Variants in TAS1R1 observed in about 807,000 individuals in gnomAD.
TAS1R1 encodes taste receptor type 1 member 1.
In TAS1R1, 31 loss-of-function variants were observed where a neutral mutation model predicts 45.8. The observed-to-expected ratio is 0.68, with a 90% CI of 0.51 to 0.91. The LOEUF (loss-of-function observed/expected upper bound fraction) is 0.91. Ranked by LOEUF, TAS1R1 falls within the 40% of genes least tolerant of loss-of-function variation. The pLI is 0.00. For synonymous variants in TAS1R1, 437 were observed against 448.4 expected (o/e 0.97, Z 0.32); for missense variants, 1,051 against 1,063.9 (o/e 0.99, Z 0.17).
At chr1:6,571,776 C>A (rs1224853712) in intron 2 of TAS1R1, among the ~76,000 whole-genome samples, 2 of 152,068 alleles carry the variant, frequency 1.3e-5, no homozygotes, top group Non-Finnish European at 2.9e-5. Context: ...GCTGAGATTG[C>A]ACCACTGCAT....
At chr1:6,567,987 T>C (rs1258120099) in intron 1 of TAS1R1, among the ~76,000 whole-genome samples, 1 of 152,142 alleles carries the variant, frequency 6.6e-6, no homozygotes, top group East Asian at 1.9e-4. Context: ...AGTTGGTATT[T>C]AGCGCGATCT....
chr1:6,561,120 G>T (rs538873026), intron 1 of TAS1R1, among the ~76,000 whole-genome samples: 1 of 152,236 alleles, frequency 6.6e-6, no homozygotes, highest in East Asian at 1.9e-4. Flanking sequence ...GTAAAAACTG[G>T]GTAAGGAGAT....
In TAS1R1 at chr1:6,576,485, A is replaced by G. The variant is rs756528482; in HGVS notation, c.1331A>G (p.Asp444Gly). The G allele has an allele frequency of 6.2e-7, 1 of 1,614,248 alleles. No homozygotes were observed. Among genetic ancestry groups the G allele is most frequent in the Non-Finnish European group, 8.5e-7 (1 of 1,180,040 alleles). Residue 444 changes from aspartate to glycine, a missense_variant, in exon 4 of 6, where the codon GAT becomes GGT. Coordinates refer to ENST00000333172, the MANE Select transcript of TAS1R1 (RefSeq NM_138697.4). ...ACTGTGGCGTTTAATGACAACAGAG[A>G]TCCCCTCAGTAGCTATAACATAATT... ...KDTVAFNDNR[D>G]PLSSYNIIAW...
chr1:6,562,194 A>C (rs1355634221), intron 1 of TAS1R1, among the ~76,000 whole-genome samples: 2 of 152,186 alleles, frequency 1.3e-5, no homozygotes, highest in Non-Finnish European at 2.9e-5. Flanking sequence ...TTTGAGACGG[A>C]GTCTCACTCT....
At chr1:6,575,995 A>T (rs1640163023) in intron 3 of TAS1R1, among the ~76,000 whole-genome samples, 1 of 151,828 alleles carries the variant, frequency 6.6e-6, no homozygotes, top group Non-Finnish European at 1.5e-5. Context: ...CACCCGGCCT[A>T]ATTTTTGTAT....
intron 5 of TAS1R1, among the ~76,000 whole-genome samples, 169 bp downstream of exon 5, chr1:6,577,239 C>G (rs1640204464): frequency 6.6e-6 from 1 of 152,238 alleles, no homozygotes; most frequent in Non-Finnish European, 1.5e-5. Flanking sequence ...GAATTCTGAT[C>G]AAGAGAATCA....
intron 3 of TAS1R1, among the ~76,000 whole-genome samples, chr1:6,576,182 G>A (rs1557810466): frequency 6.6e-6 from 1 of 152,228 alleles, no homozygotes; most frequent in Non-Finnish European, 1.5e-5. Context: ...TCTTGGAAGT[G>A]TCAAGTGATA....
At position 6,558,036 on chromosome 1, in the gene TAS1R1, G is replaced by GTTT. The variant is rs779773064; in HGVS notation, c.191+2475_191+2477dup. Among the ~76,000 whole-genome samples, 28 of 140,846 alleles carry GTTT rather than the reference G, an allele frequency of 2.0e-4. 1 individual carries two copies. The highest frequency in any genetic ancestry group is 5.9e-4 in the African/African-American group (21 of 35,426). The allele number at this position is 140,846 out of a possible 152,430, so 92.4% of individuals were successfully genotyped here. On this transcript the variant is annotated intron_variant, in intron 1 of 5. Transcript: ENST00000333172. ...CAAGGTTAAGCAGGTGTAGTGGTTAGTTTTTGTTTTTGTTTTTGTTTTTTT... is the reference window on the plus strand; with the variant it reads ...CAAGGTTAAGCAGGTGTAGTGGTTAGTTTTTTTTGTTTTTGTTTTTGTTTTTTT...
Position 6,574,695 on chromosome 1 carries a change from C to T in TAS1R1, c.563C>T (p.Thr188Ile). 6.2e-7 allele frequency: 1 copy of T among 1,614,208 alleles called. No homozygotes were observed. Among genetic ancestry groups the T allele is most frequent in the Non-Finnish European group, 8.5e-7 (1 of 1,180,016 alleles). ...VKRQYPSFLR[T>I]IPNDKYQVET... is the part of the protein sequence containing the mutation. ...CGGCAGTATCCCTCTTTCCTGCGCA[C>T]CATCCCCAATGACAAGTACCAGGTG... Residue 188 changes from threonine (T) to isoleucine (I), a missense_variant, in exon 3 of 6, where the codon ACC becomes ATC. Physicochemically the swap from Thr to Ile is moderately conservative, Grantham distance 89. Coordinates refer to ENST00000333172, the MANE Select transcript of TAS1R1 (RefSeq NM_138697.4). The surrounding 1 kb of genome is among the most constrained non-coding windows in gnomAD (Gnocchi z 4.3).
chr1:6,575,404 C>T lies in TAS1R1; in HGVS notation c.1260+12C>T. On this transcript the variant is annotated intron_variant, in intron 3 of 5. Transcript: ENST00000333172. ...TCTACCCCTGGCAGGTAAGAGAGCC[C>T]ACCCCAGCACCTCCTGTCAGGGAGA... 1.3e-6 allele frequency: 2 copies of T among 1,535,054 alleles called. No homozygotes were observed. The highest frequency in any genetic ancestry group is 1.7e-6 in the Non-Finnish European group (2 of 1,144,604).
At chr1:6,559,040 C>T (rs1183902965) in intron 1 of TAS1R1, among the ~76,000 whole-genome samples, 7 of 152,004 alleles carry the variant, frequency 4.6e-5, no homozygotes, top group East Asian at 1.9e-4. Context: ...TACAGGCGCC[C>T]GCCACCACGC....
At chr1:6,563,412 T>C (rs59342212) in intron 1 of TAS1R1, among the ~76,000 whole-genome samples, 4,012 of 152,300 alleles carry the variant, frequency 0.026, 170 homozygotes, top group African/African-American at 0.091. Flanking sequence ...GCTGGAGATA[T>C]AGGAGCGTAA....
In TAS1R1 at chr1:6,574,545, T is replaced by C; in HGVS notation, c.499-86T>C. On this transcript the variant is annotated intron_variant, in intron 2 of 5. Transcript: ENST00000333172. This position sits in a 1 kb window ranked among gnomAD's most constrained non-coding sequence, Gnocchi z 4.3. ...GGGGTGCTCTCCTGGTCTCCCCGGC[T>C]CCCTGTATCCCCACACCCAGCACAG... is the stretch of plus-strand genomic sequence containing the variant. 1 of 1,485,352 alleles carries C rather than the reference T, an allele frequency of 6.7e-7. No individual in the cohort carries two copies. The allele number at this position is 1,485,352 out of a possible 1,614,324, so 92.0% of individuals were successfully genotyped here. A position where few individuals can be genotyped will look rare whatever the true frequency, so the allele number is the denominator to read the frequency against.
intron 2 of TAS1R1, among the ~76,000 whole-genome samples, chr1:6,571,598 T>A (rs765527562): frequency 2.0e-5 from 3 of 152,110 alleles, no homozygotes; most frequent in Non-Finnish European, 4.4e-5. Context: ...GCTGGGCAGA[T>A]CTCTTGAGGC....
chr1:6,578,645 C>T lies in TAS1R1; in HGVS notation c.1595-8C>T. The T allele has an allele frequency of 6.5e-7, 1 of 1,540,886 alleles. No homozygotes were observed. Among genetic ancestry groups the T allele is most frequent in the Non-Finnish European group, 8.8e-7 (1 of 1,142,350 alleles). ...GCTCTCAGGAACCTTCTTGGCCTTC[C>T]CTTTCAGACCTCTACAGATGCCAGC... On this transcript the variant is annotated splice_region_variant and splice_polypyrimidine_tract_variant and intron_variant, in intron 5 of 5. Coordinates refer to ENST00000333172, the MANE Select transcript of TAS1R1 (RefSeq NM_138697.4).
At chr1:6,556,017 A>G (rs1172168079) in intron 1 of TAS1R1, among the ~76,000 whole-genome samples, 2 of 150,396 alleles carry the variant, frequency 1.3e-5, no homozygotes, top group African/African-American at 2.4e-5. Context: ...GACTACAGGC[A>G]CCCGCCACTG....
intron 1 of TAS1R1, among the ~76,000 whole-genome samples, chr1:6,567,832 G>C (rs1439738385): frequency 1.3e-5 from 2 of 152,160 alleles, no homozygotes; most frequent in Non-Finnish European, 2.9e-5. Flanking sequence ...GACTGGGCAA[G>C]TGCTCTTCAT....
At chr1:6,555,602 C>G in intron 1 of TAS1R1, 38 bp downstream of exon 1, 1 of 1,522,638 alleles carries the variant, frequency 6.6e-7, no homozygotes, top group Non-Finnish European at 8.9e-7. Context: ...TTAGTGGGAC[C>G]CCTGGCTATA....
chr1:6,576,290 G>A (rs1191022609), intron 3 of TAS1R1, 125 bp from the exon 4 acceptor site: 10 of 854,816 alleles, frequency 1.2e-5, no homozygotes, highest in Non-Finnish European at 1.9e-5. Context: ...AGAAGGAAGG[G>A]ACGAGACCTT....
Sources: allele counts gnomAD v4.1 joint callset (sites outside exome capture counted in the v4.1 genomes callset), GRCh38; gene constraint gnomAD v4.1.1; non-coding constraint Gnocchi (gnomAD v3.1); transcripts MANE v1.5; gene names NCBI Gene and HGNC (gene_info 2026-07-23, HGNC 2026-07-21).